Variants in RANBP17 observed in about 807,000 individuals in gnomAD.
RANBP17 encodes the protein RAN binding protein 17.
Under a neutral mutation model 141.2 loss-of-function variants are expected in RANBP17, and 158 were observed. The ratio of observed to expected loss-of-function variants is 1.12; its 90% confidence interval spans 0.98 to 1.28. The LOEUF is 1.28. RANBP17 is among the 50% of genes most tolerant of loss of function. RANBP17 has a pLI of 0.00. For synonymous variants in RANBP17, 430 were observed against 450.0 expected, an observed-to-expected ratio of 0.96 and a Z score of 0.56; for missense variants, 1,438 against 1,290.7, an observed-to-expected ratio of 1.11 and a Z score of -1.75.
intron 18 of RANBP17, among the ~76,000 whole-genome samples, chr5:171,196,620 C>T (rs1761995555): frequency 6.6e-6 from 1 of 152,192 alleles, no homozygotes; most frequent in South Asian, 2.1e-4. Context: ...TATTAAGTAC[C>T]AGACACTGAG....
In RANBP17 at chr5:170,953,602, C is replaced by T; in HGVS notation, c.1474C>T (p.Leu492Phe). The T allele has an allele frequency of 6.2e-7, 1 of 1,604,998 alleles. No homozygotes were observed. Among genetic ancestry groups the T allele is most frequent in the Admixed American group, 1.7e-5 (1 of 59,430 alleles). Residue 492 changes from leucine to phenylalanine, a missense_variant, in exon 13 of 28, where the codon CTT becomes TTT. Coordinates refer to ENST00000523189, the MANE Select transcript of RANBP17 (RefSeq NM_022897.5). ...TVDITIQEGR[L>F]AWLVYLVGTV... ...TCTTCCTTATTCTATATTAGGACGT[C>T]TTGCATGGCTGGTATACTTAGTTGG...
At chr5:171,010,820 T>A (rs1053631239) in intron 14 of RANBP17, among the ~76,000 whole-genome samples, 3 of 152,146 alleles carry the variant, frequency 2.0e-5, no homozygotes, top group Non-Finnish European at 4.4e-5. Flanking sequence ...AATGACAAAA[T>A]CTTTTAAAAA....
At chr5:170,962,097 G>A (rs1776194676) in intron 13 of RANBP17, among the ~76,000 whole-genome samples, 1 of 152,190 alleles carries the variant, frequency 6.6e-6, no homozygotes, top group Admixed American at 6.5e-5. Flanking sequence ...AGGAACCTGA[G>A]CCCCTGATAC....
intron 9 of RANBP17, 119 bp from the exon 10 acceptor site, chr5:170,918,592 GAC>G (rs1772170295): frequency 6.2e-6 from 4 of 646,552 alleles, no homozygotes; most frequent in Non-Finnish European, 9.5e-6. Context: ...CTACCCAATT[GAC>G]ACAGAGTATT....
At chr5:171,219,533 A>G (rs1763426780) in intron 21 of RANBP17, among the ~76,000 whole-genome samples, 1 of 152,092 alleles carries the variant, frequency 6.6e-6, no homozygotes, top group African/African-American at 2.4e-5. Context: ...ACAGCAGTCA[A>G]TGGCAGGTTT....
intron 22 of RANBP17, among the ~76,000 whole-genome samples, chr5:171,226,328 GA>G (rs1323675175): frequency 6.6e-6 from 1 of 152,088 alleles, no homozygotes; most frequent in Non-Finnish European, 1.5e-5. Flanking sequence ...ACAGAAGGGA[GA>G]AATAATGATT....
intron 14 of RANBP17, among the ~76,000 whole-genome samples, chr5:171,129,832 C>G (rs889571160): frequency 2.0e-5 from 3 of 152,106 alleles, no homozygotes; most frequent in Admixed American, 6.5e-5. Flanking sequence ...TTCTCTGTTA[C>G]GATGTGCAGA....
chr5:170,949,695 A>T (rs1310442285), intron 12 of RANBP17, among the ~76,000 whole-genome samples: 1 of 152,220 alleles, frequency 6.6e-6, no homozygotes, highest in East Asian at 1.9e-4. Flanking sequence ...TAGAGGTGCC[A>T]TGTAACTCAG....
intron 14 of RANBP17, among the ~76,000 whole-genome samples, chr5:171,056,512 G>A (rs1024912737): frequency 1.3e-5 from 2 of 152,024 alleles, no homozygotes; most frequent in Non-Finnish European, 2.9e-5. Flanking sequence ...AGAATTACAG[G>A]AGTTTCCCGT....
intron 8 of RANBP17, among the ~76,000 whole-genome samples, chr5:170,916,132 C>T (rs1044043774): frequency 7.4e-6 from 1 of 135,998 alleles, no homozygotes; most frequent in Admixed American, 7.6e-5. Context: ...CATTATCATG[C>T]GTTATATTCT....
At chr5:171,163,217 C>T (rs534320977) in intron 14 of RANBP17, among the ~76,000 whole-genome samples, 8 of 152,156 alleles carry the variant, frequency 5.3e-5, no homozygotes, top group Non-Finnish European at 8.8e-5. Flanking sequence ...TTATTTGAAA[C>T]GATATGGAAA....
At chr5:171,163,298 A>T (rs1759472900) in intron 14 of RANBP17, among the ~76,000 whole-genome samples, 2 of 152,176 alleles carry the variant, frequency 1.3e-5, no homozygotes, top group South Asian at 4.1e-4. Context: ...TACAGCAATG[A>T]TGTTTGTACC....
chr5:171,295,346 C>T (rs1768750431), intron 26 of RANBP17, among the ~76,000 whole-genome samples: 1 of 152,066 alleles, frequency 6.6e-6, no homozygotes, highest in East Asian at 1.9e-4. Context: ...AAAGCACGCC[C>T]CTCTAGTACC....
chr5:171,178,208 T>C (rs1760637769), intron 16 of RANBP17, among the ~76,000 whole-genome samples: 1 of 129,996 alleles, frequency 7.7e-6, no homozygotes, highest in Admixed American at 8.4e-5. Flanking sequence ...CGTGTGATGT[T>C]CCCCTCCCTG....
At chr5:170,903,491 C>T (rs572781888) in intron 5 of RANBP17, 36 of 173,294 alleles carry the variant, frequency 2.1e-4, no homozygotes, top group Middle Eastern at 2.9e-3. Context: ...GGGGAGTGAA[C>T]GCTTACGTCT....
chr5:171,151,464 C>G (rs1326650672), intron 14 of RANBP17, among the ~76,000 whole-genome samples: 1 of 152,172 alleles, frequency 6.6e-6, no homozygotes, highest in Non-Finnish European at 1.5e-5. Context: ...TCCACTTTCT[C>G]TGGTCAATAA....
chr5:170,878,777 A>G (rs1446913558), intron 2 of RANBP17, among the ~76,000 whole-genome samples: 1 of 152,166 alleles, frequency 6.6e-6, no homozygotes, highest in Non-Finnish European at 1.5e-5. Flanking sequence ...AGAGGTAGAT[A>G]CCTAAATAGC....
intron 25 of RANBP17, among the ~76,000 whole-genome samples, chr5:171,288,536 TG>T (rs1178208399): frequency 2.6e-5 from 4 of 152,244 alleles, no homozygotes; most frequent in African/African-American, 9.6e-5. Flanking sequence ...GGCAGACCTA[TG>T]CACATATCCC....
intron 14 of RANBP17, among the ~76,000 whole-genome samples, chr5:171,096,659 A>C (rs935148495): frequency 6.6e-6 from 1 of 152,202 alleles, no homozygotes; most frequent in Non-Finnish European, 1.5e-5. Context: ...AATTAGCTTG[A>C]CTTTGAGAAT....
Sources: gnomAD v4.1 joint callset for allele counts (sites outside exome capture counted in the v4.1 genomes callset) on GRCh38, gnomAD v4.1.1 for gene constraint, MANE v1.5 for transcripts, NCBI Gene and HGNC (gene_info 2026-07-23, HGNC 2026-07-21) for gene names.